STK3: variants seen among roughly 807,000 people sequenced by gnomAD.
STK3 encodes the protein serine/threonine kinase 3, also known as serine/threonine-protein kinase 3.
A neutral mutation model predicts 58.0 loss-of-function variants in STK3; 41 were observed. The observed-to-expected ratio is 0.71, with a 90% CI of 0.55 to 0.92. STK3 has a LOEUF of 0.92. STK3 is among the 40% of genes least tolerant of loss of function. STK3 has a pLI of 0.00. For synonymous variants in STK3, 170 were observed against 191.0 expected, an observed-to-expected ratio of 0.89 and a Z score of 0.91; for missense variants, 479 against 602.7, an observed-to-expected ratio of 0.79 and a Z score of 2.15.
chr8:98,653,538 T>G (rs200195913), intron 6 of STK3, among the ~76,000 whole-genome samples: 2 of 152,076 alleles, frequency 1.3e-5, no homozygotes, highest in Non-Finnish European at 2.9e-5. Context: ...ATTAATGAAT[T>G]CAGGAGCTGG....
At chr8:98,742,384 T>G (rs1829294278) in intron 4 of STK3, among the ~76,000 whole-genome samples, 1 of 131,166 alleles carries the variant, frequency 7.6e-6, no homozygotes, top group African/African-American at 2.9e-5. Context: ...TTATCCACCA[T>G]GACCAAGTGG....
At chr8:98,832,778 T>C (rs2131786838) in intron 3 of STK3, among the ~76,000 whole-genome samples, 1 of 152,262 alleles carries the variant, frequency 6.6e-6, no homozygotes, top group East Asian at 1.9e-4. Context: ...GCAGACCTAG[T>C]TGTCTCCTCA....
intron 6 of STK3, among the ~76,000 whole-genome samples, chr8:98,596,584 C>T (rs1815844755): frequency 6.6e-6 from 1 of 152,064 alleles, no homozygotes; most frequent in South Asian, 2.1e-4. Flanking sequence ...TTTGCTTTTG[C>T]AATCCAGAAT....
intron 8 of STK3, among the ~76,000 whole-genome samples, chr8:98,557,479 G>C (rs572582273): frequency 3.9e-5 from 6 of 152,124 alleles, no homozygotes; most frequent in Admixed American, 2.0e-4. Context: ...TGTTGTTTCT[G>C]TGTTCCAAGT....
At chr8:98,589,905 C>T (rs1462926568) in intron 7 of STK3, among the ~76,000 whole-genome samples, 1 of 152,178 alleles carries the variant, frequency 6.6e-6, no homozygotes, top group Non-Finnish European at 1.5e-5. Flanking sequence ...GAAAGGGAAC[C>T]CCCTGACCCC....
At chr8:98,785,198 C>G (rs1832382317) in intron 1 of STK3, among the ~76,000 whole-genome samples, 1 of 152,170 alleles carries the variant, frequency 6.6e-6, no homozygotes, top group Admixed American at 6.5e-5. Context: ...CATGCCCAGG[C>G]ATAACTCCAG....
chr8:98,795,816 C>CG (rs1833130692), intron 1 of STK3, among the ~76,000 whole-genome samples: 4 of 141,334 alleles, frequency 2.8e-5, no homozygotes, highest in Non-Finnish European at 6.1e-5. Context: ...CAATACAATA[C>CG]AATACAATAC....
chr8:98,474,785 T>A lies in STK3; in HGVS notation c.1318-18785A>T, dbSNP rs1228691098. Among the ~76,000 whole-genome samples the A allele has an allele frequency of 2.0e-5, 3 of 152,210 alleles. No individual in the cohort carries two copies. In the East Asian group the frequency reaches 5.8e-4, roughly 29 times the overall value. Reference sequence around the variant, plus strand: ...TTTCTCCATATACCTAAAGATAATTTTGCATATGTCTCTGTTATAACATTT... The same window carrying A: ...TTTCTCCATATACCTAAAGATAATTATGCATATGTCTCTGTTATAACATTT... On this transcript the variant is annotated intron_variant, in intron 10 of 10. Coordinates refer to ENST00000419617, the MANE Select transcript of STK3 (RefSeq NM_006281.4).
chr8:98,672,619 C>G (rs1425525137), intron 6 of STK3, among the ~76,000 whole-genome samples: 3 of 152,044 alleles, frequency 2.0e-5, no homozygotes, highest in Non-Finnish European at 4.4e-5. Flanking sequence ...ACTCAAAGTT[C>G]AGCTAAGTAA....
chr8:98,861,998 A>G (rs1836955314), intron 3 of STK3, among the ~76,000 whole-genome samples: 1 of 152,216 alleles, frequency 6.6e-6, no homozygotes, highest in African/African-American at 2.4e-5. Flanking sequence ...TGCCAGATTC[A>G]GTAAATGTGC....
intron 3 of STK3, among the ~76,000 whole-genome samples, chr8:98,838,493 G>A (rs1835834001): frequency 6.6e-6 from 1 of 152,118 alleles, no homozygotes; most frequent in South Asian, 2.1e-4. Flanking sequence ...AGTTAATGCT[G>A]TTGGAAAACA....
chr8:98,726,716 T>C (rs1377595482), intron 4 of STK3, among the ~76,000 whole-genome samples: 6 of 152,204 alleles, frequency 3.9e-5, no homozygotes, highest in Non-Finnish European at 8.8e-5. Flanking sequence ...CAAGCCATCC[T>C]GGACTAAAGA....
chr8:98,386,416 A>G (rs891108402), intron 1 of STK3, among the ~76,000 whole-genome samples: 11 of 152,360 alleles, frequency 7.2e-5, no homozygotes, highest in African/African-American at 2.4e-4. Context: ...GGAATGAGAA[A>G]TATTTCTATA....
At chr8:98,587,865 T>C (rs1366934147) in intron 7 of STK3, among the ~76,000 whole-genome samples, 1 of 152,116 alleles carries the variant, frequency 6.6e-6, no homozygotes, top group Admixed American at 6.6e-5. Flanking sequence ...GCCTTCTTTG[T>C]CTCTTTTGAT....
chr8:98,649,757 T>A (rs1447656797), intron 6 of STK3, among the ~76,000 whole-genome samples: 1 of 152,232 alleles, frequency 6.6e-6, no homozygotes, highest in Non-Finnish European at 1.5e-5. Flanking sequence ...GAATTTTAAC[T>A]AGAACTGCAA....
chr8:98,616,802 A>G (rs1243314227), intron 6 of STK3, among the ~76,000 whole-genome samples: 2 of 150,772 alleles, frequency 1.3e-5, no homozygotes, highest in Non-Finnish European at 3.0e-5. Flanking sequence ...GAGCACCCAG[A>G]TTCATAAAGC....
chr8:98,763,314 T>C (rs372160872), intron 3 of STK3, among the ~76,000 whole-genome samples: 8 of 152,224 alleles, frequency 5.3e-5, no homozygotes, highest in East Asian at 1.9e-4. Flanking sequence ...ACAAAGCAGA[T>C]GGGCTCCCTG....
chr8:98,834,414 C>T (rs112679464), intron 3 of STK3, among the ~76,000 whole-genome samples: 10,874 of 152,098 alleles, frequency 0.071, 591 homozygotes, highest in African/African-American at 0.15. Context: ...AATTGGAATC[C>T]GATTATGTAG....
At chr8:98,388,573 A>G (rs900152963), upstream of STK3, among the ~76,000 whole-genome samples, 1 of 152,220 alleles carries the variant, frequency 6.6e-6, no homozygotes, top group African/African-American at 2.4e-5. Context: ...AGGAAATACA[A>G]GAGATAAAAG....
Sources: allele counts gnomAD v4.1 joint callset (sites outside exome capture counted in the v4.1 genomes callset), GRCh38; gene constraint gnomAD v4.1.1; transcripts MANE v1.5; gene names NCBI Gene and HGNC (gene_info 2026-07-23, HGNC 2026-07-21).